Variants in IKZF3 observed in about 807,000 individuals in gnomAD.
IKZF3 encodes IKAROS family zinc finger 3.
In IKZF3, 10 loss-of-function variants were observed where a neutral mutation model predicts 49.0. The observed-to-expected ratio is 0.20, with a 90% CI of 0.13 to 0.35. IKZF3 has a LOEUF of 0.35. IKZF3 is among the 10% of genes least tolerant of loss of function. The pLI is 1.00. For missense variants in IKZF3, 498 were observed against 664.8 expected (o/e 0.75, Z 2.76); for synonymous variants, 209 against 228.2 (o/e 0.92, Z 0.76).
intron 1 of IKZF3, among the ~76,000 whole-genome samples, chr17:39,845,669 A>T (rs1000584915): frequency 2.6e-5 from 4 of 152,162 alleles, no homozygotes; most frequent in Non-Finnish European, 4.4e-5. Context: ...TAAAACATTC[A>T]CTATCTGGTC....
chr17:39,766,740 C>T (rs1207864063), intron 7 of IKZF3, among the ~76,000 whole-genome samples: 1 of 152,032 alleles, frequency 6.6e-6, no homozygotes, highest in Non-Finnish European at 1.5e-5. Flanking sequence ...GTTGAGGCCA[C>T]ATGGTAAGGT....
chr17:39,761,637 C>CT lies in IKZF3; in HGVS notation c.*4152dup, dbSNP rs1201035077. The stretch of plus-strand genomic sequence containing the variant: ...AACACCTGGAGCACTGGTTCTGTTT[C>CT]TTTTCCACCCTCAGCCCAGTTCTGT... On this transcript the variant is annotated 3_prime_UTR_variant, in exon 8 of 8. Coordinates refer to ENST00000346872, the MANE Select transcript of IKZF3 (RefSeq NM_012481.5). The CT allele has an allele frequency of 6.6e-6, 1 of 152,180 alleles. No individual in the cohort carries two copies. The highest frequency in any genetic ancestry group is 2.4e-5 in the African/African-American group (1 of 41,410). The allele number at this position is 152,180 out of a possible 1,614,324, so 9.4% of individuals were successfully genotyped here.
chr17:39,808,388 T>C (rs966483323), intron 3 of IKZF3, among the ~76,000 whole-genome samples: 1 of 152,230 alleles, frequency 6.6e-6, no homozygotes, highest in African/African-American at 2.4e-5. Flanking sequence ...ACATTTCCCA[T>C]ACTTAGTTAT....
rs1300352783 is a variant in IKZF3, at chr17:39,860,673, CTG to C, written c.7+3445_7+3446del. Among the ~76,000 whole-genome samples the C allele has an allele frequency of 4.6e-5, 7 of 152,306 alleles. No individual in the cohort carries two copies. In the East Asian group the frequency reaches 1.3e-3, roughly 29 times the overall value. On this transcript the variant is annotated intron_variant, in intron 1 of 7. Transcript: ENST00000346872. ...GAGCTAAACACTGGGTACACATGGA[CTG>C]TTATGAATTAATGTGACCCCCAAAT... is the stretch of plus-strand genomic sequence containing the variant.
intron 6 of IKZF3, among the ~76,000 whole-genome samples, chr17:39,780,956 C>G (rs1249735419): frequency 1.3e-5 from 2 of 152,140 alleles, no homozygotes; most frequent in Non-Finnish European, 2.9e-5. Context: ...TAAATCATAG[C>G]CTTCAGTGAA....
intron 1 of IKZF3, among the ~76,000 whole-genome samples, chr17:39,838,224 CTTCTA>C (rs1273903643): frequency 6.6e-6 from 1 of 152,088 alleles, no homozygotes; most frequent in African/African-American, 2.4e-5. Flanking sequence ...TCCCCTTTTC[CTTCTA>C]TAAGTTCAAT....
chr17:39,832,522 C>CAT (rs34521860), intron 1 of IKZF3, among the ~76,000 whole-genome samples: 8,671 of 150,578 alleles, frequency 0.058, 385 homozygotes, highest in African/African-American at 0.12. Flanking sequence ...TATATATGTA[C>CAT]ATATATATAA....
chr17:39,856,030 CAATATAACATGTAT>C (rs2063038871), intron 1 of IKZF3, among the ~76,000 whole-genome samples: 1 of 131,270 alleles, frequency 7.6e-6, no homozygotes, highest in African/African-American at 3.3e-5. Context: ...TGTATATGTA[CAATATAACATGTAT>C]ATTGTATATG....
At chr17:39,813,109 AAAT>A (rs2061599862) in intron 3 of IKZF3, among the ~76,000 whole-genome samples, 2 of 116 alleles carry the variant, frequency 0.017, no homozygotes, top group South Asian at 0.062. Context: ...CTCAAAAAAT[AAAT>A]AAATAAATAA....
At chr17:39,858,024 G>C (rs1228865293) in intron 1 of IKZF3, among the ~76,000 whole-genome samples, 1 of 151,300 alleles carries the variant, frequency 6.6e-6, no homozygotes, top group African/African-American at 2.4e-5. Flanking sequence ...AGTCTAGAAG[G>C]GGCTATAGGT....
At chr17:39,855,504 G>A (rs767215562) in intron 1 of IKZF3, among the ~76,000 whole-genome samples, 2 of 152,164 alleles carry the variant, frequency 1.3e-5, no homozygotes, top group Non-Finnish European at 2.9e-5. Context: ...GGGCAACTAA[G>A]TCCATACTAG....
chr17:39,792,957 A>G, intron 3 of IKZF3, 24 bp from the exon 4 acceptor site: 6 of 1,608,266 alleles, frequency 3.7e-6, no homozygotes, highest in Non-Finnish European at 4.2e-6. Flanking sequence ...AATGCAAGAA[A>G]TGAACAACGA....
chr17:39,791,273 T>C (rs1373687123), intron 5 of IKZF3, 143 bp downstream of exon 5: 2 of 761,626 alleles, frequency 2.6e-6, no homozygotes, highest in African/African-American at 1.7e-5. Flanking sequence ...GGTCGTGTAA[T>C]TAGCCCTAGA....
chr17:39,836,879 T>C (rs1232717437), intron 1 of IKZF3, among the ~76,000 whole-genome samples: 1 of 152,238 alleles, frequency 6.6e-6, no homozygotes, highest in Non-Finnish European at 1.5e-5. Flanking sequence ...ATTTTAAAGA[T>C]TAAAATGAAA....
chr17:39,792,921 T>G lies in IKZF3; in HGVS notation c.176A>C (p.Lys59Thr). The G allele has an allele frequency of 6.2e-7, 1 of 1,613,544 alleles. No individual in the cohort carries two copies. Among genetic ancestry groups the G allele is most frequent in the East Asian group, 2.2e-5 (1 of 44,870 alleles). Reference protein sequence around the residue: ...EDEDIGDDSMKVKDEYSERDE... With the variant: ...EDEDIGDDSMTVKDEYSERDE... ...TCTTTCACTGTATTCATCTTTCACT[T>G]TCATTGAATCATCTGCAGGGAAGAA... Residue 59 changes from lysine (K) to threonine (T), a missense_variant, in exon 4 of 8, where the codon AAA (lysine) becomes ACA (threonine). By Grantham distance (78) the Lys-to-Thr change is moderately conservative. Around this residue, in one of 3 missense-constraint regions of IKZF3, gnomAD observed 97 missense variants for 98.9 expected, o/e 0.98. Coordinates refer to ENST00000346872, the MANE Select transcript of IKZF3 (RefSeq NM_012481.5).
chr17:39,862,105 A>G (rs2063228929), intron 1 of IKZF3, among the ~76,000 whole-genome samples: 1 of 152,190 alleles, frequency 6.6e-6, no homozygotes, highest in Non-Finnish European at 1.5e-5. Context: ...ATTTAAGGTC[A>G]CAGATTGTGA....
rs369340496 is a variant in IKZF3, at chr17:39,792,853, C to T, written c.244G>A (p.Glu82Lys). ...GAATAGCTGTAAGGGATTTCAGGCT[C>T]TTCTGCATTTCCCATGGGTTCTGAC... ...LKSEPMGNAEEPEIPYSYSRE... is the reference protein window; with the variant it reads ...LKSEPMGNAEKPEIPYSYSRE... The change falls in exon 4 of 8, where the codon GAG (glutamate) becomes AAG (lysine). Residue 82 changes from glutamate (E) to lysine (K), a missense_variant. This residue lies in a region of IKZF3 where 97 missense variants were observed against 98.9 expected (regional missense o/e 0.98). Transcript: ENST00000346872. 1.4e-4 allele frequency: 226 copies of T among 1,613,928 alleles called. No individual in the cohort carries two copies. Among genetic ancestry groups the T allele is most frequent in the Admixed American group, 2.2e-4 (13 of 60,008 alleles).
intron 3 of IKZF3, among the ~76,000 whole-genome samples, chr17:39,809,057 G>C (rs908550980): frequency 2.0e-5 from 3 of 152,314 alleles, no homozygotes; most frequent in Admixed American, 6.5e-5. Flanking sequence ...TGCAGAAAAG[G>C]CTGGTTCTAA....
At chr17:39,784,369 G>C (rs1342873946) in intron 6 of IKZF3, among the ~76,000 whole-genome samples, 5 of 151,068 alleles carry the variant, frequency 3.3e-5, no homozygotes, top group African/African-American at 1.2e-4. Flanking sequence ...TGTGATGCCT[G>C]ATGTAGAAAC....
Sources: allele counts gnomAD v4.1 joint callset (sites outside exome capture counted in the v4.1 genomes callset), GRCh38; gene constraint gnomAD v4.1.1; regional missense constraint gnomAD v4.1.1; transcripts MANE v1.5; gene names NCBI Gene and HGNC (gene_info 2026-07-23, HGNC 2026-07-21).